Variants in TANC2 observed in about 807,000 individuals in gnomAD.
The protein encoded by TANC2 is protein TANC2.
Under a neutral mutation model 210.5 loss-of-function variants are expected in TANC2, and 26 were observed. The ratio of observed to expected loss-of-function variants is 0.12; its 90% CI spans 0.09 to 0.17. The LOEUF (loss-of-function observed/expected upper bound fraction) is 0.17. TANC2 is among the 10% of genes least tolerant of loss of function. TANC2 has a pLI of 1.00. For missense variants in TANC2, 2,129 were observed against 2,608.9 expected (o/e 0.82, Z 4.01); for synonymous variants, 931 against 967.1 (o/e 0.96, Z 0.69).
chr17:62,984,400 T>G (rs1345699323), intron 1 of TANC2, among the ~76,000 whole-genome samples: 2 of 152,074 alleles, frequency 1.3e-5, no homozygotes, highest in African/African-American at 2.4e-5. Flanking sequence ...TGTTTCTGTT[T>G]TCAAAAAACC....
chr17:63,063,832 C>G (rs2036097302), intron 2 of TANC2, among the ~76,000 whole-genome samples: 1 of 152,038 alleles, frequency 6.6e-6, no homozygotes, highest in Non-Finnish European at 1.5e-5. Flanking sequence ...AAAACTGTTC[C>G]ACTGCCACTA....
chr17:63,072,532 AAAAT>A (rs1337791063), intron 2 of TANC2, among the ~76,000 whole-genome samples: 1 of 152,092 alleles, frequency 6.6e-6, no homozygotes, highest in African/African-American at 2.4e-5. Context: ...CAGCAGAACT[AAAAT>A]AAACTGATTT....
intron 14 of TANC2, among the ~76,000 whole-genome samples, chr17:63,364,460 T>G (rs745865136): frequency 6.6e-6 from 1 of 152,190 alleles, no homozygotes; most frequent in Non-Finnish European, 1.5e-5. Flanking sequence ...TCATAAAAAC[T>G]TATGAGAGAT....
At chr17:63,273,307 A>T (rs897486398) in intron 9 of TANC2, among the ~76,000 whole-genome samples, 22 of 152,234 alleles carry the variant, frequency 1.4e-4, no homozygotes, top group Non-Finnish European at 3.1e-4. Context: ...TTAAAAAATT[A>T]TTGAGCTTAT....
At chr17:63,038,824 A>C (rs2144230972) in intron 2 of TANC2, among the ~76,000 whole-genome samples, 1 of 152,290 alleles carries the variant, frequency 6.6e-6, no homozygotes, top group South Asian at 2.1e-4. Flanking sequence ...AAGGTACTTT[A>C]GCCTTAACCT....
intron 21 of TANC2, among the ~76,000 whole-genome samples, chr17:63,406,661 T>C (rs1221708664): frequency 1.3e-5 from 2 of 152,206 alleles, no homozygotes; most frequent in South Asian, 2.1e-4. Flanking sequence ...CAAATGCCAG[T>C]GAAGATCCCT....
In TANC2 at chr17:63,301,460, G is replaced by A. The variant is rs187382175; in HGVS notation, c.1160-12928G>A. 6.3e-4 allele frequency among the ~76,000 whole-genome samples: 96 copies of A among 152,248 alleles called. 1 individual carries two copies. The highest frequency in any genetic ancestry group is 2.2e-3 in the African/African-American group (92 of 41,548). ...AATTATTACCTCAATTTCAGAACTT[G>A]TTACTGGTCTATTCAGGGATTCAAC... On this transcript the variant is annotated intron_variant, in intron 9 of 27. Coordinates refer to ENST00000689528, the Ensembl canonical transcript of TANC2.
chr17:63,031,031 A>G (rs1461524871), intron 2 of TANC2, among the ~76,000 whole-genome samples: 1 of 152,118 alleles, frequency 6.6e-6, no homozygotes, highest in East Asian at 1.9e-4. Flanking sequence ...AAGATCTTAA[A>G]TGACATGGTT....
intron 1 of TANC2, chr17:62,967,303 G>T (rs1381939893): frequency 6.6e-6 from 1 of 152,144 alleles, no homozygotes; most frequent in Non-Finnish European, 1.5e-5. Flanking sequence ...TATTTTTTTT[G>T]AGGTAGAGAA....
chr17:63,174,180 C>G (rs1185501543), intron 5 of TANC2, among the ~76,000 whole-genome samples: 1 of 152,188 alleles, frequency 6.6e-6, no homozygotes, highest in Non-Finnish European at 1.5e-5. Context: ...ATTGATTTGA[C>G]TTAGTCATCT....
At chr17:63,134,306 G>A (rs2039017525) in intron 4 of TANC2, among the ~76,000 whole-genome samples, 1 of 151,970 alleles carries the variant, frequency 6.6e-6, no homozygotes, top group Non-Finnish European at 1.5e-5. Flanking sequence ...CCACTACCAT[G>A]GTCATTATAT....
chr17:63,169,300 T>C (rs1396024871), intron 5 of TANC2, among the ~76,000 whole-genome samples: 1 of 152,202 alleles, frequency 6.6e-6, no homozygotes, highest in African/African-American at 2.4e-5. Context: ...ATGCCCCTAA[T>C]TATTTGTATA....
At chr17:63,067,046 C>A (rs1250084673) in intron 2 of TANC2, among the ~76,000 whole-genome samples, 2 of 152,256 alleles carry the variant, frequency 1.3e-5, no homozygotes, top group East Asian at 3.9e-4. Flanking sequence ...CTGACCACTT[C>A]AGGGTACACA....
intron 11 of TANC2, among the ~76,000 whole-genome samples, chr17:63,331,577 T>C (rs946730643): frequency 1.3e-5 from 2 of 152,218 alleles, no homozygotes; most frequent in Non-Finnish European, 2.9e-5. Flanking sequence ...ATTGGAATGC[T>C]TTTTAAAAAT....
intron 19 of TANC2, among the ~76,000 whole-genome samples, chr17:63,400,323 A>G (rs2048303366): frequency 6.6e-6 from 1 of 152,274 alleles, no homozygotes. Context: ...CTTGAAAGAA[A>G]TCCTTAAAAA....
intron 7 of TANC2, among the ~76,000 whole-genome samples, chr17:63,208,716 A>G (rs761937375): frequency 6.6e-6 from 1 of 152,070 alleles, no homozygotes; most frequent in Non-Finnish European, 1.5e-5. Flanking sequence ...TAATTTTTCA[A>G]TAGGGTCTGG....
intron 8 of TANC2, among the ~76,000 whole-genome samples, chr17:63,248,950 C>T (rs1049623027): frequency 3.9e-5 from 6 of 151,928 alleles, no homozygotes; most frequent in Non-Finnish European, 2.9e-5. Flanking sequence ...TTTTTAAAAT[C>T]GTGTATTTTA....
chr17:63,230,697 A>C (rs905797706), intron 7 of TANC2, among the ~76,000 whole-genome samples: 20 of 152,160 alleles, frequency 1.3e-4, no homozygotes, highest in African/African-American at 4.3e-4. Flanking sequence ...TTATGTGATC[A>C]ATTTTACAGT....
At chr17:63,127,528 T>C (rs1321568997) in intron 4 of TANC2, among the ~76,000 whole-genome samples, 1 of 152,204 alleles carries the variant, frequency 6.6e-6, no homozygotes, top group Admixed American at 6.5e-5. Flanking sequence ...GTCACAAAAA[T>C]TGTATAGATT....
Sources: gnomAD v4.1 joint callset for allele counts (sites outside exome capture counted in the v4.1 genomes callset) on GRCh38, gnomAD v4.1.1 for gene constraint, MANE v1.5 for transcripts, NCBI Gene and HGNC (gene_info 2026-07-23, HGNC 2026-07-21) for gene names.